Variants in SCN10A observed in about 807,000 individuals in gnomAD.
SCN10A encodes sodium voltage-gated channel alpha subunit 10, also known as sodium channel protein type 10 subunit alpha.
Under a neutral mutation model 170.7 loss-of-function variants are expected in SCN10A, and 162 were observed. That is an observed-to-expected ratio of 0.95 (90% CI 0.84 to 1.08). SCN10A has a LOEUF of 1.08. Ranked by LOEUF, SCN10A falls within the 50% of genes least tolerant of loss-of-function variation. The pLI, the probability that SCN10A is intolerant of heterozygous loss-of-function variation, is 0.00. For synonymous variants in SCN10A, 985 were observed against 904.6 expected (o/e 1.09, Z -1.59); for missense variants, 2,527 against 2,436.9 (o/e 1.04, Z -0.78).
At chr3:38,795,348 T>C (rs1395523644) in intron 1 of SCN10A, among the ~76,000 whole-genome samples, 2 of 130,306 alleles carry the variant, frequency 1.5e-5, no homozygotes, top group Non-Finnish European at 3.1e-5. Flanking sequence ...TTTCTTTTTC[T>C]TTTTTTTTTT....
At chr3:38,743,189 G>C (rs2063652783) in intron 13 of SCN10A, among the ~76,000 whole-genome samples, 1 of 152,172 alleles carries the variant, frequency 6.6e-6, no homozygotes, top group Admixed American at 6.5e-5. Flanking sequence ...ATATAGACTA[G>C]TTCACAAAAG....
In SCN10A at chr3:38,752,177, T is replaced by C. The variant is rs765053376; in HGVS notation, c.1755+42A>G. On this transcript the variant is annotated intron_variant, in intron 12 of 27. Coordinates refer to ENST00000449082, the MANE Select transcript of SCN10A (RefSeq NM_006514.4). ...GGCTTCTTGGCTCAAGGCTTCTAGG[T>C]GGAAGACAGCCTGAGGGAGTCTGAA... 14 of 1,456,732 alleles carry C rather than the reference T, an allele frequency of 9.6e-6. No homozygotes were observed. The Admixed American group carries it at 2.8e-4, about 29-fold the overall frequency. 90.2% of individuals were successfully genotyped at this position (1,456,732 alleles called of 1,614,324 possible).
At chr3:38,727,128 T>C (rs1313743674) in intron 16 of SCN10A, 76 bp from the exon 17 acceptor site, 6 of 1,422,406 alleles carry the variant, frequency 4.2e-6, no homozygotes, top group African/African-American at 1.4e-5. Flanking sequence ...GGTTAGCAGC[T>C]GGCTGGCAAG....
intron 27 of SCN10A, among the ~76,000 whole-genome samples, chr3:38,700,534 T>C (rs941105817): frequency 6.6e-6 from 1 of 152,226 alleles, no homozygotes; most frequent in African/African-American, 2.4e-5. Flanking sequence ...GTTTCATGGG[T>C]GTATACTTAT....
intron 3 of SCN10A, among the ~76,000 whole-genome samples, chr3:38,789,760 A>G (rs1280668942): frequency 6.6e-6 from 1 of 152,112 alleles, no homozygotes; most frequent in Non-Finnish European, 1.5e-5. Flanking sequence ...CAAAGGGATT[A>G]TCAAAAGGGG....
chr3:38,790,278 A>G (rs2064264234), intron 3 of SCN10A, among the ~76,000 whole-genome samples: 1 of 152,118 alleles, frequency 6.6e-6, no homozygotes, highest in Non-Finnish European at 1.5e-5. Context: ...AAATATTAAT[A>G]ATAGGGCCCT....
chr3:38,803,300 G>T (rs1469495877), intron 1 of SCN10A, among the ~76,000 whole-genome samples: 1 of 152,056 alleles, frequency 6.6e-6, no homozygotes, highest in African/African-American at 2.4e-5. Context: ...CCATTACTGG[G>T]TATATACCCA....
chr3:38,724,804 C>A (rs2063434733), intron 18 of SCN10A, among the ~76,000 whole-genome samples: 1 of 152,206 alleles, frequency 6.6e-6, no homozygotes, highest in South Asian at 2.1e-4. Context: ...CAAGCAGCAT[C>A]TCATTTAAGC....
chr3:38,710,133 T>C (rs1442177094), intron 24 of SCN10A, among the ~76,000 whole-genome samples: 3 of 152,092 alleles, frequency 2.0e-5, no homozygotes, highest in South Asian at 2.1e-4. Flanking sequence ...CATTCCCCAA[T>C]AGTGTCTCCC....
chr3:38,776,705 C>T (rs1177203767), intron 4 of SCN10A, among the ~76,000 whole-genome samples: 2 of 152,002 alleles, frequency 1.3e-5, no homozygotes, highest in African/African-American at 2.4e-5. Context: ...ATGAATTGCT[C>T]TGCTAAACAA....
At chr3:38,736,963 GT>G (rs71085334) in intron 15 of SCN10A, among the ~76,000 whole-genome samples, 28 of 46,682 alleles carry the variant, frequency 6.0e-4, no homozygotes, top group Middle Eastern at 0.017. Context: ...AGAAATGTTC[GT>G]TTTTTTTTTT....
chr3:38,733,408 C>T (rs1352331421), intron 15 of SCN10A, among the ~76,000 whole-genome samples: 1 of 151,934 alleles, frequency 6.6e-6, no homozygotes, highest in African/African-American at 2.4e-5. Flanking sequence ...TAATAGGTAG[C>T]TTTATTTTTC....
chr3:38,807,630 C>T (rs1225238142), intron 1 of SCN10A, among the ~76,000 whole-genome samples: 1 of 152,074 alleles, frequency 6.6e-6, no homozygotes, highest in African/African-American at 2.4e-5. Context: ...TGTCCTAGTC[C>T]TCTTTTATAT....
intron 21 of SCN10A, among the ~76,000 whole-genome samples, chr3:38,716,266 C>T (rs1169254576): frequency 6.6e-6 from 1 of 151,964 alleles, no homozygotes; most frequent in African/African-American, 2.4e-5. Context: ...TTGGCTGTGT[C>T]CCCACCCAAA....
At chr3:38,710,153 T>TTTTTC (rs1326922445) in intron 24 of SCN10A, among the ~76,000 whole-genome samples, 5 of 151,944 alleles carry the variant, frequency 3.3e-5, no homozygotes, top group Admixed American at 6.5e-5. Flanking sequence ...CCAGCCTGGC[T>TTTTTC]TTTTCTTTTC....
At chr3:38,802,442 C>A (rs1009004977) in intron 1 of SCN10A, among the ~76,000 whole-genome samples, 2 of 152,144 alleles carry the variant, frequency 1.3e-5, no homozygotes, top group African/African-American at 4.8e-5. Flanking sequence ...ATATTTAACT[C>A]CCAATATACT....
intron 4 of SCN10A, among the ~76,000 whole-genome samples, chr3:38,784,670 T>C (rs1054418172): frequency 5.9e-5 from 9 of 152,078 alleles, no homozygotes; most frequent in Admixed American, 3.9e-4. Flanking sequence ...GGTATTCAAA[T>C]AGGAAAAGAG....
intron 1 of SCN10A, among the ~76,000 whole-genome samples, chr3:38,795,037 C>A (rs1044589251): frequency 1.3e-5 from 2 of 151,996 alleles, no homozygotes; most frequent in African/African-American, 4.8e-5. Flanking sequence ...TCATTTTTTT[C>A]TCTCTCCTTG....
chr3:38,747,308 C>G (rs1043582197), intron 13 of SCN10A, among the ~76,000 whole-genome samples: 3 of 152,178 alleles, frequency 2.0e-5, no homozygotes, highest in African/African-American at 7.2e-5. Context: ...CCGCCAACCA[C>G]CCAAATATCA....
Sources: gnomAD v4.1 joint callset for allele counts (sites outside exome capture counted in the v4.1 genomes callset) on GRCh38, gnomAD v4.1.1 for gene constraint, MANE v1.5 for transcripts, NCBI Gene and HGNC (gene_info 2026-07-23, HGNC 2026-07-21) for gene names.